The following ARL15 variants were observed in gnomAD, a reference collection of about 807,000 sequenced individuals.
The protein encoded by ARL15 is ADP-ribosylation factor-like protein 15.
ARL15 carries 19 observed loss-of-function variants against 25.2 expected under a neutral mutation model. That is an observed-to-expected ratio of 0.75 (90% confidence interval 0.53 to 1.10). The LOEUF (loss-of-function observed/expected upper bound fraction) is 1.10. Ranked by LOEUF, ARL15 falls within the 50% of genes least tolerant of loss-of-function variation. ARL15 has a pLI of 0.00. For missense variants in ARL15, 220 were observed against 246.0 expected (o/e 0.89, Z 0.71); for synonymous variants, 94 against 86.8 (o/e 1.08, Z -0.46).
At chr5:53,954,779 G>T (rs1178232006) in intron 4 of ARL15, among the ~76,000 whole-genome samples, 1 of 152,024 alleles carries the variant, frequency 6.6e-6, no homozygotes, top group Non-Finnish European at 1.5e-5. Flanking sequence ...GGACCACACT[G>T]CCTCTTTGCA....
In ARL15 at chr5:54,091,267, C is replaced by A. The variant is rs552011996; in HGVS notation, c.462+21935G>T. Among the ~76,000 whole-genome samples the A allele has an allele frequency of 4.6e-5, 7 of 152,272 alleles. No individual in the cohort carries two copies. The South Asian group carries it at 1.5e-3, about 32-fold the overall frequency. ...AACACTCCCAAGACCAGCCAAACAA[C>A]CTTTTGGCAAATGCTAATATAAATG... On this transcript the variant is annotated intron_variant, in intron 4 of 4. Coordinates refer to ENST00000504924, the MANE Select transcript of ARL15 (RefSeq NM_019087.3).
intron 1 of ARL15, among the ~76,000 whole-genome samples, chr5:54,174,874 G>A (rs1754818652): frequency 6.6e-6 from 1 of 152,176 alleles, no homozygotes; most frequent in African/African-American, 2.4e-5. Flanking sequence ...CATTCAATTA[G>A]GACAGACAAC....
chr5:54,251,416 AT>A, intron 1 of ARL15, among the ~76,000 whole-genome samples: 1 of 152,376 alleles, frequency 6.6e-6, no homozygotes, highest in Middle Eastern at 3.4e-3. Context: ...TTAAAAAGTA[AT>A]TGAATATTAG....
At chr5:54,283,118 T>C (rs1758099047) in intron 1 of ARL15, among the ~76,000 whole-genome samples, 1 of 152,234 alleles carries the variant, frequency 6.6e-6, no homozygotes, top group Admixed American at 6.5e-5. Context: ...ATCTCAGCAA[T>C]CACGGTTTTA....
At chr5:53,979,565 A>C (rs1022164606) in intron 4 of ARL15, among the ~76,000 whole-genome samples, 2 of 151,930 alleles carry the variant, frequency 1.3e-5, no homozygotes, top group African/African-American at 2.4e-5. Flanking sequence ...CCTAAACAAC[A>C]ACAACAACAA....
At chr5:54,035,250 A>G (rs1750132882) in intron 4 of ARL15, among the ~76,000 whole-genome samples, 1 of 152,170 alleles carries the variant, frequency 6.6e-6, no homozygotes, top group Non-Finnish European at 1.5e-5. Flanking sequence ...TAAGAACTCA[A>G]TCCCAGATGT....
chr5:54,082,132 C>A (rs1751819900), intron 4 of ARL15, among the ~76,000 whole-genome samples: 2 of 115,352 alleles, frequency 1.7e-5, no homozygotes, highest in Admixed American at 8.6e-5. Flanking sequence ...AAATACAAAT[C>A]CCCCTAATGG....
At chr5:54,202,310 C>A (rs989928435) in intron 1 of ARL15, among the ~76,000 whole-genome samples, 3 of 152,134 alleles carry the variant, frequency 2.0e-5, no homozygotes. Flanking sequence ...GGTTACTAAT[C>A]AGCCGACCTT....
intron 1 of ARL15, among the ~76,000 whole-genome samples, chr5:54,228,987 C>T (rs1235350364): frequency 6.6e-6 from 1 of 152,092 alleles, no homozygotes; most frequent in African/African-American, 2.4e-5. Flanking sequence ...TTATTCTAAT[C>T]CATGTTTCTG....
At chr5:54,064,240 C>T (rs576958406) in intron 4 of ARL15, among the ~76,000 whole-genome samples, 46 of 152,104 alleles carry the variant, frequency 3.0e-4, no homozygotes, top group African/African-American at 1.1e-3. Flanking sequence ...AATGTGATAC[C>T]GAAATACAGA....
chr5:54,039,464 T>C (rs1196651085), intron 4 of ARL15, among the ~76,000 whole-genome samples: 1 of 152,084 alleles, frequency 6.6e-6, no homozygotes, highest in Non-Finnish European at 1.5e-5. Flanking sequence ...AAATGACATA[T>C]TAAAGAATAT....
intron 4 of ARL15, among the ~76,000 whole-genome samples, chr5:53,961,314 A>G (rs1747359508): frequency 6.6e-6 from 1 of 152,026 alleles, no homozygotes; most frequent in African/African-American, 2.4e-5. Flanking sequence ...CCTGGCCAAC[A>G]TGGTGAAACC....
At chr5:54,090,975 G>T (rs1483137383) in intron 4 of ARL15, among the ~76,000 whole-genome samples, 1 of 152,030 alleles carries the variant, frequency 6.6e-6, no homozygotes, top group Non-Finnish European at 1.5e-5. Flanking sequence ...GAAAACACTG[G>T]TATTTTCTTA....
At chr5:54,170,336 A>C (rs1754681095) in intron 2 of ARL15, among the ~76,000 whole-genome samples, 1 of 152,112 alleles carries the variant, frequency 6.6e-6, no homozygotes, top group African/African-American at 2.4e-5. Flanking sequence ...TGCGCTACTC[A>C]CAATTTAGCC....
At chr5:54,107,839 G>A (rs887794051) in intron 4 of ARL15, among the ~76,000 whole-genome samples, 2 of 152,060 alleles carry the variant, frequency 1.3e-5, no homozygotes, top group African/African-American at 4.8e-5. Flanking sequence ...TTGATAAAAT[G>A]GACATTTCTT....
intron 4 of ARL15, among the ~76,000 whole-genome samples, chr5:53,942,515 A>AG (rs1354709208): frequency 6.6e-6 from 1 of 151,142 alleles, no homozygotes; most frequent in Non-Finnish European, 1.5e-5. Context: ...TGGGAGGCCG[A>AG]GGCAGGTGGA....
intron 1 of ARL15, among the ~76,000 whole-genome samples, chr5:54,283,485 TG>T (rs1758110522): frequency 6.6e-6 from 1 of 152,224 alleles, no homozygotes; most frequent in East Asian, 1.9e-4. Flanking sequence ...AATTTCATAC[TG>T]GGGATCATGA....
intron 4 of ARL15, among the ~76,000 whole-genome samples, chr5:54,060,773 T>C (rs1461420903): frequency 6.6e-6 from 1 of 152,194 alleles, no homozygotes; most frequent in Non-Finnish European, 1.5e-5. Flanking sequence ...GCATTTTGCT[T>C]CTGCCCTAGA....
chr5:53,884,418 C>T lies in ARL15; in HGVS notation c.*2143G>A, dbSNP rs1744447687. On this transcript the variant is annotated 3_prime_UTR_variant, in exon 5 of 5. Coordinates refer to ENST00000504924, the MANE Select transcript of ARL15 (RefSeq NM_019087.3). ...CCGTTCAGGCCCCACCCCGCCCCCACGTGGATTTCCAAAACATGGCAAATT... is the reference window on the plus strand; with the variant it reads ...CCGTTCAGGCCCCACCCCGCCCCCATGTGGATTTCCAAAACATGGCAAATT... 1.3e-5 allele frequency: 2 copies of T among 149,786 alleles called. No homozygotes were observed. The highest frequency in any genetic ancestry group is 3.0e-5 in the Non-Finnish European group (2 of 67,592). The allele number at this position is 149,786 out of a possible 1,614,324, so 9.3% of individuals were successfully genotyped here. A position where few individuals can be genotyped will look rare whatever the true frequency, so the allele number is the denominator to read the frequency against.
Sources: gnomAD v4.1 joint callset for allele counts (sites outside exome capture counted in the v4.1 genomes callset) on GRCh38, gnomAD v4.1.1 for gene constraint, MANE v1.5 for transcripts, NCBI Gene and HGNC (gene_info 2026-07-23, HGNC 2026-07-21) for gene names.